The following DNAH8 variants were observed in gnomAD, a reference collection of about 807,000 sequenced individuals.
The protein encoded by DNAH8 is dynein axonemal heavy chain 8.
DNAH8 carries 382 observed loss-of-function variants against 562.1 expected under a neutral mutation model. That is an observed-to-expected ratio of 0.68 (90% CI 0.63 to 0.74). The LOEUF (loss-of-function observed/expected upper bound fraction) is 0.74, where lower values mean the gene tolerates loss of function less well. Among genes scored for constraint, DNAH8 ranks in the 30% least tolerant of loss-of-function variants. The pLI, the probability that DNAH8 is intolerant of heterozygous loss-of-function variation, is 0.00. For missense variants in DNAH8, 5,203 were observed against 5,620.4 expected (o/e 0.93, Z 2.37); for synonymous variants, 1,881 against 1,919.4 (o/e 0.98, Z 0.52).
chr6:39,010,754 A>G (rs1207631067), intron 89 of DNAH8, among the ~76,000 whole-genome samples: 1 of 149,172 alleles, frequency 6.7e-6, no homozygotes, highest in African/African-American at 2.5e-5. Context: ...GGAATTATAT[A>G]TAGATATAAT....
intron 75 of DNAH8, 32 bp from the exon 76 acceptor site, chr6:38,931,779 C>A: frequency 7.0e-7 from 1 of 1,432,128 alleles, no homozygotes; most frequent in Non-Finnish European, 9.4e-7. Context: ...GCCCTTTAAG[C>A]TGTTTTTAAT....
At chr6:38,763,660 A>T (rs905419191) in intron 11 of DNAH8, 2 of 174,318 alleles carry the variant, frequency 1.1e-5, no homozygotes, top group African/African-American at 4.8e-5. Flanking sequence ...CAAAAAACTT[A>T]GCCAGGTGTG....
intron 17 of DNAH8, among the ~76,000 whole-genome samples, 178 bp from the exon 18 acceptor site, chr6:38,786,587 A>C (rs1398333956): frequency 6.6e-6 from 1 of 152,182 alleles, no homozygotes; most frequent in African/African-American, 2.4e-5. Context: ...TCATTCATTT[A>C]TCTTAGTTTT....
intron 35 of DNAH8, 59 bp downstream of exon 35, chr6:38,842,962 T>C: frequency 6.4e-7 from 1 of 1,570,312 alleles, no homozygotes; most frequent in Non-Finnish European, 8.7e-7. Flanking sequence ...CTTTTTCTTT[T>C]CTGGGAGTTG....
chr6:38,727,202 A>C (rs1357819423), intron 3 of DNAH8, among the ~76,000 whole-genome samples: 1 of 152,184 alleles, frequency 6.6e-6, no homozygotes, highest in Non-Finnish European at 1.5e-5. Context: ...GCAATCCAGG[A>C]TGAAAGCAGC....
intron 77 of DNAH8, among the ~76,000 whole-genome samples, chr6:38,936,059 G>GTCT (rs975642263): frequency 1.4e-5 from 2 of 139,370 alleles, no homozygotes; most frequent in South Asian, 2.3e-4. Flanking sequence ...GTCTTGCTCT[G>GTCT]TCTCCCAAGC....
chr6:38,850,050 G>A (rs532603901), intron 37 of DNAH8, among the ~76,000 whole-genome samples: 1 of 152,212 alleles, frequency 6.6e-6, no homozygotes, highest in South Asian at 2.1e-4. Context: ...TGATAAAGAA[G>A]CATTTTAATA....
intron 35 of DNAH8, among the ~76,000 whole-genome samples, chr6:38,843,164 T>A (rs2150373293): frequency 6.6e-6 from 1 of 151,154 alleles, no homozygotes. Context: ...GTCCCCAGAA[T>A]GCACTTCCAC....
chr6:38,971,750 C>A, intron 83 of DNAH8, 85 bp downstream of exon 83: 1 of 1,069,510 alleles, frequency 9.4e-7, no homozygotes, highest in Non-Finnish European at 1.3e-6. Context: ...TCTCGTGATG[C>A]TCAATCCTGG....
chr6:38,843,542 A>G (rs1775021188), intron 35 of DNAH8, among the ~76,000 whole-genome samples: 1 of 152,170 alleles, frequency 6.6e-6, no homozygotes, highest in African/African-American at 2.4e-5. Context: ...AAACACATAC[A>G]AAAGTAAAGA....
At chr6:38,809,473 G>C (rs747825879) in intron 24 of DNAH8, among the ~76,000 whole-genome samples, 1 of 152,164 alleles carries the variant, frequency 6.6e-6, no homozygotes, top group Non-Finnish European at 1.5e-5. Context: ...AGTTGACCAA[G>C]CAAAAGTTGT....
chr6:38,827,621 T>A (rs552263642), intron 29 of DNAH8, among the ~76,000 whole-genome samples: 53 of 151,692 alleles, frequency 3.5e-4, no homozygotes, highest in Non-Finnish European at 5.4e-4. Context: ...TTTACTGCTT[T>A]AAAAAAATCG....
intron 25 of DNAH8, 21 bp downstream of exon 25, chr6:38,814,150 T>G: frequency 7.6e-7 from 1 of 1,321,390 alleles, no homozygotes; most frequent in Non-Finnish European, 1.1e-6. Flanking sequence ...TTAAATACAC[T>G]GATAATTTGA....
intron 18 of DNAH8, among the ~76,000 whole-genome samples, chr6:38,787,673 G>GTGACAGA (rs1473407700): frequency 1.9e-4 from 28 of 145,668 alleles, no homozygotes; most frequent in African/African-American, 6.9e-4. Flanking sequence ...TCCAGCCTGG[G>GTGACAGA]TGACAGAGTA....
At chr6:38,734,935 C>T (rs1215820189) in intron 5 of DNAH8, among the ~76,000 whole-genome samples, 1 of 152,134 alleles carries the variant, frequency 6.6e-6, no homozygotes, top group African/African-American at 2.4e-5. Flanking sequence ...AATATTTTAA[C>T]TCTTTTATAG....
intron 73 of DNAH8, among the ~76,000 whole-genome samples, chr6:38,925,496 C>A (rs563342891): frequency 6.6e-6 from 1 of 151,716 alleles, no homozygotes; most frequent in African/African-American, 2.4e-5. Context: ...GCGCCTGGCC[C>A]GGTGATTTTA....
At chr6:38,722,173 C>T (rs1189681455) in intron 1 of DNAH8, among the ~76,000 whole-genome samples, 3 of 152,176 alleles carry the variant, frequency 2.0e-5, no homozygotes, top group Non-Finnish European at 4.4e-5. Flanking sequence ...TAAATAGTCA[C>T]AATCACTTTT....
intron 8 of DNAH8, among the ~76,000 whole-genome samples, chr6:38,744,779 A>G (rs1348645335): frequency 6.6e-6 from 1 of 151,932 alleles, no homozygotes; most frequent in Non-Finnish European, 1.5e-5. Context: ...AATTTTTTTT[A>G]TAGAGATAGG....
chr6:39,019,263 CAA>C (rs2150785904), intron 91 of DNAH8, among the ~76,000 whole-genome samples: 1 of 152,176 alleles, frequency 6.6e-6, no homozygotes, highest in South Asian at 2.1e-4. Context: ...CACACTGTAA[CAA>C]GAGTAATAAG....
Sources: allele counts gnomAD v4.1 joint callset (sites outside exome capture counted in the v4.1 genomes callset), GRCh38; gene constraint gnomAD v4.1.1; transcripts MANE v1.5; gene names NCBI Gene and HGNC (gene_info 2026-07-23, HGNC 2026-07-21).